PDS5B: variants seen among roughly 807,000 people sequenced by gnomAD.
PDS5B encodes the protein sister chromatid cohesion protein PDS5 homolog B.
Under a neutral mutation model 184.1 loss-of-function variants are expected in PDS5B, and 51 were observed. The observed-to-expected ratio is 0.28, with a 90% CI of 0.22 to 0.35. PDS5B has a LOEUF of 0.35. Ranked by LOEUF, PDS5B falls within the 10% of genes least tolerant of loss-of-function variation. The pLI, the probability that PDS5B is intolerant of heterozygous loss-of-function variation, is 1.00. For missense variants in PDS5B, 1,180 were observed against 1,723.3 expected (o/e 0.68, Z 5.58); for synonymous variants, 566 against 569.2 (o/e 0.99, Z 0.08).
At chr13:32,671,157 A>G (rs908405788) in intron 7 of PDS5B, among the ~76,000 whole-genome samples, 8 of 152,184 alleles carry the variant, frequency 5.3e-5, no homozygotes, top group Non-Finnish European at 1.2e-4. Context: ...TACCAAACAT[A>G]TATTCTATGC....
intron 1 of PDS5B, among the ~76,000 whole-genome samples, chr13:32,604,389 G>A (rs1293800629): frequency 7.2e-5 from 11 of 152,110 alleles, no homozygotes; most frequent in Admixed American, 1.3e-4. Flanking sequence ...ATTGATTTGC[G>A]TATATTGAAC....
intron 21 of PDS5B, among the ~76,000 whole-genome samples, chr13:32,736,836 GTTTTTTT>G (rs1953347494): frequency 1.3e-5 from 2 of 150,962 alleles, no homozygotes; most frequent in Non-Finnish European, 3.0e-5. Flanking sequence ...TTCAGTTTTT[GTTTTTTT>G]TCTGACCTAT....
At chr13:32,716,772 C>T (rs1345232067) in intron 19 of PDS5B, among the ~76,000 whole-genome samples, 10 of 136,256 alleles carry the variant, frequency 7.3e-5, no homozygotes, top group East Asian at 2.2e-4. Context: ...CCCGGCCAGC[C>T]GCCCCGTCCG....
chr13:32,696,262 C>T (rs1471778037), intron 14 of PDS5B, among the ~76,000 whole-genome samples: 2 of 152,014 alleles, frequency 1.3e-5, no homozygotes, highest in Non-Finnish European at 2.9e-5. Flanking sequence ...TAAAATAACA[C>T]TACTCTGATG....
intron 19 of PDS5B, among the ~76,000 whole-genome samples, chr13:32,731,490 A>G (rs1953121200): frequency 6.6e-6 from 1 of 150,918 alleles, no homozygotes; most frequent in Non-Finnish European, 1.5e-5. Flanking sequence ...CCTGTTTCCT[A>G]TTTCTATCCT....
intron 5 of PDS5B, 123 bp from the exon 6 acceptor site, chr13:32,659,031 C>A: frequency 1.9e-6 from 1 of 521,080 alleles, no homozygotes; most frequent in Non-Finnish European, 3.1e-6. Context: ...AATGAATATA[C>A]ATAGAATTTT....
At chr13:32,734,032 CTTTT>C (rs1214806776) in intron 20 of PDS5B, among the ~76,000 whole-genome samples, 1 of 107,354 alleles carries the variant, frequency 9.3e-6, no homozygotes, top group Non-Finnish European at 1.7e-5. Context: ...ATTTTGTTTT[CTTTT>C]TTTTTTTCTG....
chr13:32,750,516 T>G (rs1030167972), intron 24 of PDS5B, among the ~76,000 whole-genome samples: 6 of 152,072 alleles, frequency 3.9e-5, no homozygotes, highest in African/African-American at 9.7e-5. Flanking sequence ...CTAGACTGCT[T>G]CTTCCCCTTC....
At position 32,640,863 on chromosome 13, in the gene PDS5B, G is replaced by GCTT. The variant is rs530662517; in HGVS notation, c.-19-7891_-19-7890insCTT. ...AGGTCAGGAGATCGAGACCATCCTG[G>GCTT]GTAACACAGTGAAACCCCATCTCTA... On this transcript the variant is annotated intron_variant, in intron 1 of 34. Coordinates refer to ENST00000315596, the MANE Select transcript of PDS5B (RefSeq NM_015032.4). Among the ~76,000 whole-genome samples the GCTT allele has an allele frequency of 7.2e-3, 1,088 of 151,522 alleles. 10 individuals carry two copies. The highest frequency in any genetic ancestry group is 0.025 in the African/African-American group (1,037 of 41,344).
chr13:32,765,743 A>G (rs1320880983), intron 31 of PDS5B, among the ~76,000 whole-genome samples: 1 of 152,194 alleles, frequency 6.6e-6, no homozygotes, highest in East Asian at 1.9e-4. Flanking sequence ...AACTGGGACC[A>G]CAGGCATGTG....
Position 32,710,575 on chromosome 13 carries a change from A to G in PDS5B, c.2123+469A>G, listed in dbSNP as rs150738916. ...TTTTGTCTGTGTTCCAGTATTTCCCATAATTGCAAATTGAGCTGTTATCCT... is the reference window on the plus strand; with the variant it reads ...TTTTGTCTGTGTTCCAGTATTTCCCGTAATTGCAAATTGAGCTGTTATCCT... On this transcript the variant is annotated intron_variant, in intron 19 of 34. Coordinates refer to ENST00000315596, the MANE Select transcript of PDS5B (RefSeq NM_015032.4). 5.6e-3 allele frequency among the ~76,000 whole-genome samples: 854 copies of G among 152,348 alleles called. 8 individuals are homozygous for G. Among genetic ancestry groups the G allele is most frequent in the African/African-American group, 0.02 (825 of 41,580 alleles).
At chr13:32,659,984 C>G (rs1181901841) in intron 6 of PDS5B, among the ~76,000 whole-genome samples, 4 of 152,126 alleles carry the variant, frequency 2.6e-5, no homozygotes, top group Admixed American at 1.3e-4. Flanking sequence ...AGAAAACAGT[C>G]TCTGAATCCT....
chr13:32,668,070 GC>G (rs1404004507), intron 7 of PDS5B, among the ~76,000 whole-genome samples: 6 of 152,000 alleles, frequency 3.9e-5, no homozygotes, highest in African/African-American at 4.8e-5. Context: ...CTTTCAAATT[GC>G]CTGAGAACTT....
In PDS5B at chr13:32,742,582, C is replaced by T; in HGVS notation, c.2476-9C>T. The stretch of plus-strand genomic sequence containing the variant: ...CAGTGTTTTATTTGTCGACTTGTCT[C>T]TTAAATAGATTCAGGCTATTAAAAT... On this transcript the variant is annotated splice_polypyrimidine_tract_variant and intron_variant, in intron 22 of 34. Coordinates refer to ENST00000315596, the MANE Select transcript of PDS5B (RefSeq NM_015032.4). The T allele has an allele frequency of 6.2e-7, 1 of 1,605,090 alleles. No individual in the cohort carries two copies. The highest frequency in any genetic ancestry group is 8.5e-7 in the Non-Finnish European group (1 of 1,175,466).
chr13:32,667,761 C>A lies in PDS5B; in HGVS notation c.625-3C>A. On this transcript the variant is annotated splice_region_variant and splice_polypyrimidine_tract_variant and intron_variant, in intron 6 of 34. Coordinates refer to ENST00000315596, the MANE Select transcript of PDS5B (RefSeq NM_015032.4). ...TAATATAGATATTGTTTATGTTTTT[C>A]AGAATTTAAACAAGCAAGCATATGA... The A allele has an allele frequency of 6.4e-7, 1 of 1,570,250 alleles. No homozygotes were observed. Among genetic ancestry groups the A allele is most frequent in the Non-Finnish European group, 8.7e-7 (1 of 1,154,602 alleles).
intron 1 of PDS5B, among the ~76,000 whole-genome samples, chr13:32,611,116 C>T (rs1473158348): frequency 6.6e-6 from 1 of 151,892 alleles, no homozygotes; most frequent in Non-Finnish European, 1.5e-5. Flanking sequence ...AAAAACTATC[C>T]CACAGGATTT....
intron 7 of PDS5B, among the ~76,000 whole-genome samples, chr13:32,670,534 A>T (rs1394793241): frequency 1.3e-5 from 2 of 151,548 alleles, no homozygotes; most frequent in Non-Finnish European, 2.9e-5. Context: ...AGCCTAGGTT[A>T]TTTTTTTTTA....
At chr13:32,713,908 G>A (rs1253985860) in intron 19 of PDS5B, among the ~76,000 whole-genome samples, 2 of 152,144 alleles carry the variant, frequency 1.3e-5, no homozygotes, top group Admixed American at 1.3e-4. Flanking sequence ...AACCTGCCCC[G>A]ATAATCATGT....
chr13:32,716,862 C>T (rs1384095511), intron 19 of PDS5B, among the ~76,000 whole-genome samples: 4 of 127,442 alleles, frequency 3.1e-5, no homozygotes, highest in East Asian at 4.6e-4. Context: ...GCCCCCCGCC[C>T]GGCCAGCCGC....
Sources: gnomAD v4.1 joint callset for allele counts (sites outside exome capture counted in the v4.1 genomes callset) on GRCh38, gnomAD v4.1.1 for gene constraint, MANE v1.5 for transcripts, NCBI Gene and HGNC (gene_info 2026-07-23, HGNC 2026-07-21) for gene names.